Variants in MGAM2 observed in about 807,000 individuals in gnomAD.
MGAM2 encodes the protein probable maltase-glucoamylase 2.
In MGAM2, 98 loss-of-function variants were observed where a neutral mutation model predicts 96.1. The observed-to-expected ratio is 1.02, with a 90% CI of 0.87 to 1.21. The LOEUF is 1.21. MGAM2 is among the 50% of genes most tolerant of loss of function. The pLI, the probability that MGAM2 is intolerant of heterozygous loss-of-function variation, is 0.00. For synonymous variants in MGAM2, 749 were observed against 414.8 expected, an observed-to-expected ratio of 1.81 and a Z score of -9.79; for missense variants, 2,055 against 1,182.4, an observed-to-expected ratio of 1.74 and a Z score of -10.82.
intron 6 of MGAM2, 75 bp downstream of exon 6, chr7:142,132,160 G>T (rs963398010): frequency 1.0e-5 from 6 of 599,286 alleles, no homozygotes; most frequent in Non-Finnish European, 1.8e-5. Context: ...TACTGGGGGT[G>T]GGCAGTGAAA....
intron 40 of MGAM2, among the ~76,000 whole-genome samples, chr7:142,197,092 A>G (rs146928669): frequency 6.6e-6 from 1 of 152,304 alleles, no homozygotes; most frequent in African/African-American, 2.4e-5. Flanking sequence ...GCTTTTAAGA[A>G]TATTGAATTT....
chr7:142,157,398 T>C (rs1795765248), intron 17 of MGAM2, among the ~76,000 whole-genome samples: 1 of 151,894 alleles, frequency 6.6e-6, no homozygotes, highest in South Asian at 2.1e-4. Context: ...CACCAATTTT[T>C]TTTTTTTTTT....
chr7:142,158,168 T>A (rs1795792105), intron 18 of MGAM2, 77 bp downstream of exon 18: 2 of 700,468 alleles, frequency 2.9e-6, no homozygotes, highest in Non-Finnish European at 5.2e-6. Context: ...CAAGGTTAGT[T>A]AGGATCTTGT....
At chr7:142,144,595 C>G (rs972188932) in intron 13 of MGAM2, among the ~76,000 whole-genome samples, 1 of 152,120 alleles carries the variant, frequency 6.6e-6, no homozygotes, top group East Asian at 1.9e-4. Context: ...TCTGAATTAG[C>G]TGATTGAAAT....
At chr7:142,128,658 A>T (rs776216978) in intron 3 of MGAM2, among the ~76,000 whole-genome samples, 6 of 152,192 alleles carry the variant, frequency 3.9e-5, no homozygotes, top group Non-Finnish European at 7.3e-5. Context: ...AGAGTGTATA[A>T]GCCCCAAGTC....
chr7:142,168,571 C>G (rs1397384836), intron 26 of MGAM2, among the ~76,000 whole-genome samples: 1 of 152,056 alleles, frequency 6.6e-6, no homozygotes, highest in Admixed American at 6.6e-5. Flanking sequence ...CGCCCGGCCT[C>G]GAGAATCTGC....
At chr7:142,217,686 A>C (rs1797807119) in intron 46 of MGAM2, among the ~76,000 whole-genome samples, 1 of 152,208 alleles carries the variant, frequency 6.6e-6, no homozygotes, top group Non-Finnish European at 1.5e-5. Context: ...AGCAGGAGTG[A>C]GTTCTTGTGT....
At chr7:142,133,948 G>A in intron 6 of MGAM2, 33 bp from the exon 7 acceptor site, 2 of 666,458 alleles carry the variant, frequency 3.0e-6, no homozygotes, top group South Asian at 1.6e-5. Flanking sequence ...AGTGTTTTTC[G>A]GTGATTCTTG....
At position 142,131,612 on chromosome 7, in the gene MGAM2, T is replaced by A. The variant is rs1434423429; in HGVS notation, c.405T>A (p.Asn135Lys). ...TCACAGCTGAATATCAGACATCCAA[T>A]CGGTTTCATTTTAAGGTTGGTTTGG... ...TLFTAEYQTS[N>K]RFHFKITDFN... is the part of the protein sequence containing the mutation. The change falls in exon 5 of 48, where the codon AAT becomes AAA. Residue 135 changes from asparagine to lysine, a missense_variant. Physicochemically the swap from Asn to Lys is moderately conservative, Grantham distance 94. Coordinates refer to ENST00000477922, the MANE Select transcript of MGAM2 (RefSeq NM_001293626.2). 1.3e-5 allele frequency: 9 copies of A among 702,976 alleles called. No homozygotes were observed. Among genetic ancestry groups the A allele is most frequent in the Non-Finnish European group, 2.3e-5 (9 of 385,012 alleles). The allele number at this position is 702,976 out of a possible 1,614,324, so 43.5% of individuals were successfully genotyped here. A position where few individuals can be genotyped will look rare whatever the true frequency, so the allele number is the denominator to read the frequency against.
Position 142,149,127 on chromosome 7 carries a change from G to A in MGAM2, c.1634+1554G>A, listed in dbSNP as rs1795476577. Among the ~76,000 whole-genome samples the A allele has an allele frequency of 2.0e-5, 3 of 152,160 alleles. No homozygotes were observed. The South Asian group carries it at 6.2e-4, about 32-fold the overall frequency. On this transcript the variant is annotated intron_variant, in intron 15 of 47. Transcript: ENST00000477922. ...ACCTGTAATCCCAGCTATTTTGGAG[G>A]CTGAGGCAGGAGGATCGCTTGAACC...
chr7:142,127,169 CT>C (rs1310070007), intron 3 of MGAM2, among the ~76,000 whole-genome samples: 1 of 152,084 alleles, frequency 6.6e-6, no homozygotes, highest in Non-Finnish European at 1.5e-5. Context: ...ATTTTACACA[CT>C]TTTGTGGGTG....
intron 2 of MGAM2, among the ~76,000 whole-genome samples, chr7:142,119,819 T>C (rs908590290): frequency 3.3e-5 from 5 of 152,232 alleles, no homozygotes; most frequent in African/African-American, 1.2e-4. Flanking sequence ...ACACATTTTA[T>C]GATTCTTTTT....
chr7:142,147,656 A>G (rs1483603862), intron 15 of MGAM2, 83 bp downstream of exon 15: 2 of 591,972 alleles, frequency 3.4e-6, no homozygotes, highest in African/African-American at 1.9e-5. Flanking sequence ...TCTATATGTA[A>G]TATATTGTTC....
At chr7:142,150,714 A>G (rs2129083640) in intron 15 of MGAM2, among the ~76,000 whole-genome samples, 1 of 152,266 alleles carries the variant, frequency 6.6e-6, no homozygotes, top group South Asian at 2.1e-4. Context: ...TTTCTAAAGC[A>G]CTGTTTGCTC....
chr7:142,217,347 C>T (rs896022773), intron 46 of MGAM2, among the ~76,000 whole-genome samples: 1 of 152,160 alleles, frequency 6.6e-6, no homozygotes, highest in Non-Finnish European at 1.5e-5. Context: ...GGGCACCTTG[C>T]GCTTCCAACT....
chr7:142,159,004 C>G (rs968150050), intron 19 of MGAM2, among the ~76,000 whole-genome samples: 7 of 152,208 alleles, frequency 4.6e-5, no homozygotes, highest in African/African-American at 1.7e-4. Context: ...GGCTGGCTCA[C>G]TGTCCTCCCA....
At chr7:142,118,409 AGATAGT>A (rs1794446688) in intron 2 of MGAM2, among the ~76,000 whole-genome samples, 1 of 152,190 alleles carries the variant, frequency 6.6e-6, no homozygotes, top group Non-Finnish European at 1.5e-5. Context: ...AGAGCCGTAA[AGATAGT>A]GATAGTGAAT....
Position 142,222,312 on chromosome 7 carries a change from C to G in MGAM2, c.*253C>G, listed in dbSNP as rs756336120. 3.0e-6 allele frequency: 1 copy of G among 330,744 alleles called. No individual in the cohort carries two copies. The highest frequency in any genetic ancestry group is 2.1e-5 in the African/African-American group (1 of 47,220). The allele number at this position is 330,744 out of a possible 1,614,324, so 20.5% of individuals were successfully genotyped here. On this transcript the variant is annotated 3_prime_UTR_variant, in exon 48 of 48. Coordinates refer to ENST00000477922, the MANE Select transcript of MGAM2 (RefSeq NM_001293626.2). ...TTATTTTGCAACCATAGTATGTGCT[C>G]TTATTCTTTTAAATTATAGTTATTA... is the stretch of plus-strand genomic sequence containing the variant.
chr7:142,183,244 G>C (rs1024804974), intron 32 of MGAM2, 22 bp from the exon 33 acceptor site: 2 of 694,704 alleles, frequency 2.9e-6, no homozygotes, highest in African/African-American at 1.8e-5. Flanking sequence ...CACATTTGCT[G>C]TTTGAAATTC....
Sources: allele counts gnomAD v4.1 joint callset (sites outside exome capture counted in the v4.1 genomes callset), GRCh38; gene constraint gnomAD v4.1.1; transcripts MANE v1.5; gene names NCBI Gene and HGNC (gene_info 2026-07-23, HGNC 2026-07-21).